The following AGGF1 variants were observed in gnomAD, a reference collection of about 807,000 sequenced individuals.
AGGF1 encodes the protein angiogenic factor with G patch and FHA domains 1.
Under a neutral mutation model 86.5 loss-of-function variants are expected in AGGF1, and 56 were observed. The ratio of observed to expected loss-of-function variants is 0.65; its 90% confidence interval spans 0.52 to 0.81. The LOEUF (loss-of-function observed/expected upper bound fraction) is 0.81. Among genes scored for constraint, AGGF1 ranks in the 30% least tolerant of loss-of-function variants. The pLI is 0.00. For synonymous variants in AGGF1, 313 were observed against 297.1 expected (o/e 1.05, Z -0.55); for missense variants, 816 against 850.9 (o/e 0.96, Z 0.51).
intron 7 of AGGF1, 131 bp from the exon 8 acceptor site, chr5:77,048,805 T>C (rs1211951282): frequency 1.2e-6 from 1 of 866,582 alleles, no homozygotes; most frequent in South Asian, 1.4e-5. Context: ...GGAAACTGGA[T>C]AATCCATAAC....
chr5:77,063,374 C>A lies in AGGF1; in HGVS notation c.*122C>A. 1 of 1,057,754 alleles carries A rather than the reference C, an allele frequency of 9.5e-7. No individual in the cohort carries two copies. Among genetic ancestry groups the A allele is most frequent in the Non-Finnish European group, 1.4e-6 (1 of 723,422 alleles). 65.5% of individuals were successfully genotyped at this position (1,057,754 alleles called of 1,614,324 possible). On this transcript the variant is annotated 3_prime_UTR_variant, in exon 14 of 14. Transcript: ENST00000312916. ...TGTCACAGTTTACCTCTTCCTGATT[C>A]AGAAATGTGTATGGTTTGCAGCTTT...
Position 77,061,770 on chromosome 5 carries a change from C to T in AGGF1, c.1912C>T (p.Leu638=). The T allele has an allele frequency of 6.2e-7, 1 of 1,603,454 alleles. No individual in the cohort carries two copies. The highest frequency in any genetic ancestry group is 2.3e-5 in the East Asian group (1 of 43,940). The change falls in exon 13 of 14, where the codon CTG becomes TTG. Residue 638 remains leucine, a synonymous_variant. Coordinates refer to ENST00000312916, the MANE Select transcript of AGGF1 (RefSeq NM_018046.5). ...EKMGWKKGEG[L]GKDGGGMKTP... Reference sequence around the variant, plus strand: ...GATGGGTTGGAAGAAAGGAGAGGGCCTGGGGAAGGATGGTGGAGGAATGAA... The same window carrying T: ...GATGGGTTGGAAGAAAGGAGAGGGCTTGGGGAAGGATGGTGGAGGAATGAA...
At chr5:77,057,187 G>T (rs1231008549) in intron 11 of AGGF1, among the ~76,000 whole-genome samples, 1 of 152,172 alleles carries the variant, frequency 6.6e-6, no homozygotes, top group Non-Finnish European at 1.5e-5. Flanking sequence ...GGTTGCTTTG[G>T]TAGTTTCTTA....
At chr5:77,042,127 G>C (rs1257020017) in intron 5 of AGGF1, among the ~76,000 whole-genome samples, 2 of 151,876 alleles carry the variant, frequency 1.3e-5, no homozygotes, top group East Asian at 3.9e-4. Flanking sequence ...ACAGGGTTGG[G>C]GGTAAGGTCA....
In AGGF1 at chr5:77,030,477, G is replaced by C. The variant is rs530145807; in HGVS notation, c.-290G>C. Reference sequence around the variant, plus strand: ...CTGGTTTTCCGACTGCTTATCCGACGCTCCTCCCTCTGTCTCTGTAGCTGG... The same window carrying C: ...CTGGTTTTCCGACTGCTTATCCGACCCTCCTCCCTCTGTCTCTGTAGCTGG... On this transcript the variant is annotated 5_prime_UTR_variant, in exon 1 of 14. Transcript: ENST00000312916. 1 of 610,818 alleles carries C rather than the reference G, an allele frequency of 1.6e-6. No homozygotes were observed. The highest frequency in any genetic ancestry group is 2.1e-5 in the Admixed American group (1 of 47,048). The allele number at this position is 610,818 out of a possible 1,614,324, so 37.8% of individuals were successfully genotyped here.
At chr5:77,032,270 A>C (rs944265578) in intron 1 of AGGF1, among the ~76,000 whole-genome samples, 16 of 149,282 alleles carry the variant, frequency 1.1e-4, no homozygotes, top group Middle Eastern at 3.2e-3. Context: ...AAAAAAAAAA[A>C]AAAACAGGGA....
At chr5:77,054,253 T>C (rs1747424415) in intron 10 of AGGF1, 123 bp downstream of exon 10, 5 of 1,178,088 alleles carry the variant, frequency 4.2e-6, no homozygotes, top group East Asian at 2.4e-5. Context: ...TTGAGAGATA[T>C]TTTATACAAA....
At chr5:77,055,767 G>T (rs899575815) in intron 11 of AGGF1, among the ~76,000 whole-genome samples, 171 bp downstream of exon 11, 1 of 152,168 alleles carries the variant, frequency 6.6e-6, no homozygotes, top group Non-Finnish European at 1.5e-5. Context: ...ATTGAAGTTG[G>T]AGTAGAAAAA....
chr5:77,048,394 C>G, intron 7 of AGGF1, 122 bp downstream of exon 7: 1 of 805,898 alleles, frequency 1.2e-6, no homozygotes, highest in South Asian at 1.7e-5. Flanking sequence ...CTCTGTTGTC[C>G]AGGCTGGAGT....
rs1383092615 is a variant in AGGF1, at chr5:77,030,703, C to T, written c.-64C>T. 5.9e-6 allele frequency: 9 copies of T among 1,518,370 alleles called. No individual in the cohort carries two copies. The highest frequency in any genetic ancestry group is 7.9e-6 in the Non-Finnish European group (9 of 1,133,528). The allele number at this position is 1,518,370 out of a possible 1,614,324, so 94.1% of individuals were successfully genotyped here. ...CGCGCTCCAGTGGTCTCTGGGTCCG[C>T]CGGCGTCCGTTTCGGCCTGAACGCA... On this transcript the variant is annotated 5_prime_UTR_variant, in exon 1 of 14. Transcript: ENST00000312916.
At chr5:77,034,318 A>T in intron 1 of AGGF1, 100 bp from the exon 2 acceptor site, 1 of 786,916 alleles carries the variant, frequency 1.3e-6, no homozygotes, top group Non-Finnish European at 2.2e-6. Flanking sequence ...GCTGCTCTTG[A>T]CATTTCTCTA....
intron 8 of AGGF1, among the ~76,000 whole-genome samples, chr5:77,052,045 A>G (rs1380662596): frequency 6.6e-6 from 1 of 152,180 alleles, no homozygotes; most frequent in Admixed American, 6.5e-5. Context: ...GAGTGTTTCA[A>G]ATCACATTTT....
At chr5:77,042,458 C>T (rs1747115009) in intron 5 of AGGF1, among the ~76,000 whole-genome samples, 1 of 107,328 alleles carries the variant, frequency 9.3e-6, no homozygotes, top group African/African-American at 3.1e-5. Context: ...CCCCCACCTC[C>T]CTCCCGGACG....
At chr5:77,043,809 C>T (rs1339715893) in intron 5 of AGGF1, among the ~76,000 whole-genome samples, 1 of 120,352 alleles carries the variant, frequency 8.3e-6, no homozygotes, top group Non-Finnish European at 1.9e-5. Flanking sequence ...CGGAGGGGCT[C>T]CTCACTTCTC....
intron 5 of AGGF1, among the ~76,000 whole-genome samples, chr5:77,044,297 A>G (rs1271146715): frequency 9.9e-5 from 15 of 152,162 alleles, no homozygotes; most frequent in Admixed American, 9.8e-4. Context: ...ACCATTGAGC[A>G]CTCGACAAGA....
In AGGF1 at chr5:77,065,207, G is replaced by T. The variant is rs1003381709; in HGVS notation, c.*1955G>T. On this transcript the variant is annotated 3_prime_UTR_variant, in exon 14 of 14. Coordinates refer to ENST00000312916, the MANE Select transcript of AGGF1 (RefSeq NM_018046.5). ...GTGAATTATATACAGTTTGAATTTT[G>T]CATAAATTTTTTGTGTCTAATTTTA... 1.3e-5 allele frequency: 2 copies of T among 152,244 alleles called. No homozygotes were observed. Among genetic ancestry groups the T allele is most frequent in the African/African-American group, 2.4e-5 (1 of 41,544 alleles). 9.4% of individuals were successfully genotyped at this position (152,244 alleles called of 1,614,324 possible).
chr5:77,055,684 A>G (rs949930825), intron 11 of AGGF1, 88 bp downstream of exon 11: 4 of 890,266 alleles, frequency 4.5e-6, no homozygotes, highest in Non-Finnish European at 7.1e-6. Context: ...TACATTTTAT[A>G]TATAAATAGT....
At chr5:77,048,835 A>T (rs1360461098) in intron 7 of AGGF1, 101 bp from the exon 8 acceptor site, 9 of 1,088,514 alleles carry the variant, frequency 8.3e-6, no homozygotes, top group African/African-American at 6.2e-5. Flanking sequence ...TACTGTTGAT[A>T]GACGTGTATT....
At chr5:77,032,008 C>T (rs1466655100) in intron 1 of AGGF1, among the ~76,000 whole-genome samples, 1 of 152,108 alleles carries the variant, frequency 6.6e-6, no homozygotes, top group Admixed American at 6.6e-5. Flanking sequence ...TTCAATTTGA[C>T]CGTTGTCTAG....
Sources: allele counts gnomAD v4.1 joint callset (sites outside exome capture counted in the v4.1 genomes callset), GRCh38; gene constraint gnomAD v4.1.1; transcripts MANE v1.5; gene names NCBI Gene and HGNC (gene_info 2026-07-23, HGNC 2026-07-21).